The following MBD5 variants were observed in gnomAD, a reference collection of about 807,000 sequenced individuals.
MBD5 encodes methyl-CpG-binding domain protein 5.
A neutral mutation model predicts 117.3 loss-of-function variants in MBD5; 13 were observed. The observed-to-expected ratio is 0.11, with a 90% CI of 0.07 to 0.18. The LOEUF (loss-of-function observed/expected upper bound fraction) is 0.18. MBD5 is among the 10% of genes least tolerant of loss of function. The pLI is 1.00. For missense variants in MBD5, 1,879 were observed against 2,093.8 expected (o/e 0.90, Z 2.00); for synonymous variants, 727 against 766.4 (o/e 0.95, Z 0.85).
chr2:148,108,011 A>G (rs1053647158), intron 1 of MBD5, among the ~76,000 whole-genome samples: 7 of 152,122 alleles, frequency 4.6e-5, no homozygotes, highest in African/African-American at 1.4e-4. Context: ...GAGGATTCAA[A>G]CTACAGACTT....
At chr2:148,191,059 A>G (rs1357133124) in intron 2 of MBD5, among the ~76,000 whole-genome samples, 2 of 144,176 alleles carry the variant, frequency 1.4e-5, no homozygotes, top group African/African-American at 5.2e-5. Context: ...GGAGCTAACT[A>G]TCCTAAATAT....
At chr2:148,332,792 CAGTG>C (rs1342597969) in intron 3 of MBD5, among the ~76,000 whole-genome samples, 2 of 152,102 alleles carry the variant, frequency 1.3e-5, no homozygotes, top group Non-Finnish European at 2.9e-5. Flanking sequence ...GCCAGGTACT[CAGTG>C]AGCCCTTTTA....
intron 1 of MBD5, among the ~76,000 whole-genome samples, chr2:148,091,323 G>T (rs975059938): frequency 8.6e-5 from 13 of 151,884 alleles, no homozygotes; most frequent in Admixed American, 7.9e-4. Flanking sequence ...AATTCATATA[G>T]AACCAAAAAA....
intron 3 of MBD5, among the ~76,000 whole-genome samples, chr2:148,327,065 G>T (rs1329439967): frequency 6.6e-6 from 1 of 151,964 alleles, no homozygotes; most frequent in South Asian, 2.1e-4. Flanking sequence ...TTGCTTGTCT[G>T]TAAAGTATTT....
chr2:148,390,781 G>A (rs56360902), intron 4 of MBD5, among the ~76,000 whole-genome samples: 7 of 151,946 alleles, frequency 4.6e-5, no homozygotes, highest in Admixed American at 6.6e-5. Flanking sequence ...CCCTGGTCTC[G>A]AACTCCTGGG....
At position 148,207,489 on chromosome 2, in the gene MBD5, TACA is replaced by T. The variant is rs1699313895; in HGVS notation, c.-830-25752_-830-25750del. Among the ~76,000 whole-genome samples, 3 of 151,596 alleles carry T rather than the reference TACA, an allele frequency of 2.0e-5. No individual in the cohort carries two copies. In the South Asian group the frequency reaches 6.3e-4, roughly 32 times the overall value. Reference sequence around the variant, plus strand: ...AACCCTTAAAAATAGGTTACTCGGTTACAACACCACTAGACTTGGAAAAGTTAC... The same window carrying T: ...AACCCTTAAAAATAGGTTACTCGGTTACACCACTAGACTTGGAAAAGTTAC... On this transcript the variant is annotated intron_variant, in intron 2 of 13. Transcript: ENST00000642680.
At chr2:148,402,628 A>G (rs535535052) in intron 4 of MBD5, among the ~76,000 whole-genome samples, 1 of 152,132 alleles carries the variant, frequency 6.6e-6, no homozygotes, top group South Asian at 2.1e-4. Flanking sequence ...TGCAGTATAT[A>G]CTCTTTTGTC....
intron 2 of MBD5, among the ~76,000 whole-genome samples, chr2:148,186,972 C>T (rs1342174186): frequency 6.6e-6 from 1 of 152,124 alleles, no homozygotes. Context: ...TAGGAATTCC[C>T]ACATCTGAAT....
chr2:148,491,051 G>C (rs991198996), intron 11 of MBD5, among the ~76,000 whole-genome samples: 5 of 152,334 alleles, frequency 3.3e-5, no homozygotes, highest in Admixed American at 1.3e-4. Flanking sequence ...GCTTACATGT[G>C]GCACACACAG....
intron 1 of MBD5, among the ~76,000 whole-genome samples, chr2:148,057,324 A>G (rs977857500): frequency 5.9e-5 from 9 of 151,650 alleles, no homozygotes; most frequent in African/African-American, 2.2e-4. Flanking sequence ...TCAGCCTTTT[A>G]TCTTTTTAAA....
At chr2:148,216,151 C>G (rs368238189) in intron 2 of MBD5, among the ~76,000 whole-genome samples, 3 of 152,146 alleles carry the variant, frequency 2.0e-5, no homozygotes, top group African/African-American at 7.2e-5. Flanking sequence ...TAGCTCTGGA[C>G]AGTAGCTTTC....
intron 11 of MBD5, 112 bp from the exon 12 acceptor site, chr2:148,502,324 A>T: frequency 1.1e-6 from 1 of 899,696 alleles, no homozygotes; most frequent in Non-Finnish European, 1.8e-6. Context: ...AGTGAAGGTT[A>T]AGGCTCCCCT....
chr2:148,455,524 T>C (rs1159383555), intron 4 of MBD5, among the ~76,000 whole-genome samples: 1 of 152,126 alleles, frequency 6.6e-6, no homozygotes, highest in Non-Finnish European at 1.5e-5. Flanking sequence ...TCTGCATTTT[T>C]GACAAGTTCC....
At chr2:148,167,113 A>G (rs978456376) in intron 1 of MBD5, among the ~76,000 whole-genome samples, 2 of 152,176 alleles carry the variant, frequency 1.3e-5, no homozygotes, top group African/African-American at 4.8e-5. Flanking sequence ...AGCAGTTTAT[A>G]TGCTAATTTT....
At chr2:148,472,825 T>C (rs71413618) in intron 8 of MBD5, among the ~76,000 whole-genome samples, 6,883 of 152,252 alleles carry the variant, frequency 0.045, 291 homozygotes, top group African/African-American at 0.11. Flanking sequence ...GTACCTTTTA[T>C]GTACCAGGTG....
chr2:148,205,118 C>A (rs1341052568), intron 2 of MBD5, among the ~76,000 whole-genome samples: 1 of 151,698 alleles, frequency 6.6e-6, no homozygotes, highest in African/African-American at 2.4e-5. Flanking sequence ...TCTCTGTTGC[C>A]CTGGCTAGAG....
At chr2:148,342,763 T>A (rs1702980952) in intron 4 of MBD5, among the ~76,000 whole-genome samples, 1 of 152,004 alleles carries the variant, frequency 6.6e-6, no homozygotes. Context: ...AAAAAAAATT[T>A]ATTTTTTTCT....
rs1387199351 is a variant in MBD5 at position 148,516,184 on chromosome 2, T to A, written c.*3243T>A. On this transcript the variant is annotated 3_prime_UTR_variant, in exon 14 of 14. Transcript: ENST00000642680. The stretch of plus-strand genomic sequence containing the variant: ...TTCTTATATCCTACGAGGTGACTCA[T>A]GTTTCATTTTAGACCATGATAGCAC... 6.6e-6 allele frequency: 1 copy of A among 152,352 alleles called. No individual in the cohort carries two copies. Among genetic ancestry groups the A allele is most frequent in the Non-Finnish European group, 1.5e-5 (1 of 68,032 alleles). The allele number at this position is 152,352 out of a possible 1,614,324, so 9.4% of individuals were successfully genotyped here.
intron 1 of MBD5, among the ~76,000 whole-genome samples, chr2:148,137,943 ACT>A (rs951452133): frequency 1.3e-5 from 2 of 152,084 alleles, no homozygotes; most frequent in African/African-American, 4.8e-5. Context: ...TTGTAAATAC[ACT>A]CTGTGATGTT....
Sources: gnomAD v4.1 joint callset for allele counts (sites outside exome capture counted in the v4.1 genomes callset) on GRCh38, gnomAD v4.1.1 for gene constraint, MANE v1.5 for transcripts, NCBI Gene and HGNC (gene_info 2026-07-23, HGNC 2026-07-21) for gene names.